HEATR5B: variants seen among roughly 807,000 people sequenced by gnomAD.
The protein encoded by HEATR5B is HEAT repeat containing 5B, also known as HEAT repeat-containing protein 5B.
In HEATR5B, 156 loss-of-function variants were observed where a neutral mutation model predicts 224.1. The ratio of observed to expected loss-of-function variants is 0.70; its 90% CI spans 0.61 to 0.80. The LOEUF (loss-of-function observed/expected upper bound fraction) is 0.80, where lower values mean the gene tolerates loss of function less well. Among genes scored for constraint, HEATR5B ranks in the 30% least tolerant of loss-of-function variants. HEATR5B has a pLI of 0.00. For missense variants in HEATR5B, 2,323 were observed against 2,535.5 expected (o/e 0.92, Z 1.80); for synonymous variants, 1,027 against 893.0 (o/e 1.15, Z -2.68).
chr2:36,988,548 C>G (rs556027277), intron 35 of HEATR5B, 98 bp downstream of exon 35: 268 of 1,031,178 alleles, frequency 2.6e-4, no homozygotes, highest in Non-Finnish European at 3.6e-4. Context: ...AAGTGTAAGC[C>G]ACTGCGCCCA....
chr2:37,028,108 T>A lies in HEATR5B; in HGVS notation c.3668A>T (p.Asp1223Val). The A allele has an allele frequency of 6.2e-7, 1 of 1,612,364 alleles. No homozygotes were observed. Among genetic ancestry groups the A allele is most frequent in the Non-Finnish European group, 8.5e-7 (1 of 1,178,352 alleles). ...DEEAEKKDEM[D>V]DDTMFTTLGE... ...TAACGTGGTAAACATGGTATCATCA[T>A]CCATCTCATCTTTCTTTTCAGCTTC... The change falls in exon 24 of 36, where the codon GAT (aspartate) becomes GTT (valine). Residue 1223 changes from aspartate to valine, a missense_variant. Around this residue, in one of 12 missense-constraint regions of HEATR5B, gnomAD observed 339 missense variants for 378.4 expected, o/e 0.90. Coordinates refer to ENST00000233099, the MANE Select transcript of HEATR5B (RefSeq NM_019024.3).
At chr2:37,041,614 C>T (rs113863385) in intron 18 of HEATR5B, among the ~76,000 whole-genome samples, 11 of 152,056 alleles carry the variant, frequency 7.2e-5, no homozygotes, top group African/African-American at 2.7e-4. Context: ...GTCATGGCAG[C>T]GCATGCCTGT....
chr2:37,083,375 A>G lies in HEATR5B; in HGVS notation c.40T>C (p.Leu14=). Residue 14 remains leucine (L), a synonymous_variant, in exon 2 of 36, where the codon TTG becomes CTG. Transcript: ENST00000233099. ...CTTTTTGCTTCGGTGATTTGAGCCA[A>G]AGCTTCTTCATTTAGCAATAAACTG... ...AHSLLLNEEA[L]AQITEAKRPV... 1 of 1,613,990 alleles carries G rather than the reference A, an allele frequency of 6.2e-7. No homozygotes were observed. The highest frequency in any genetic ancestry group is 8.5e-7 in the Non-Finnish European group (1 of 1,179,864).
intron 14 of HEATR5B, among the ~76,000 whole-genome samples, chr2:37,058,191 T>C (rs1671031454): frequency 6.6e-6 from 1 of 152,260 alleles, no homozygotes; most frequent in African/African-American, 2.4e-5. Flanking sequence ...AGTCTCTCAA[T>C]CTGAGATTCT....
intron 30 of HEATR5B, among the ~76,000 whole-genome samples, 185 bp from the exon 31 acceptor site, chr2:37,003,871 G>C (rs929292173): frequency 2.0e-5 from 3 of 152,136 alleles, no homozygotes; most frequent in African/African-American, 7.2e-5. Context: ...TTACTCCTAT[G>C]TATTTTCAAG....
At chr2:37,000,120 G>A (rs974929153) in intron 33 of HEATR5B, among the ~76,000 whole-genome samples, 2 of 151,378 alleles carry the variant, frequency 1.3e-5, no homozygotes, top group East Asian at 2.0e-4. Context: ...GTTTTTTGCC[G>A]AGCCTGGAGT....
Position 37,058,526 on chromosome 2 carries a change from G to T in HEATR5B, c.1984C>A (p.Leu662Met). ...PSVMKAHGAH[L>M]KASAAMVRLR... The stretch of plus-strand genomic sequence containing the variant: ...CGGACCATTGCAGCACTAGCTTTCA[G>T]ATGAGCTCCATGGGCTTTCATTACA... The change falls in exon 14 of 36, where the codon CTG becomes ATG. Residue 662 changes from leucine to methionine, a missense_variant. This residue lies in a region of HEATR5B where 502 missense variants were observed against 517.8 expected (regional missense o/e 0.97). Transcript: ENST00000233099. The T allele has an allele frequency of 6.2e-7, 1 of 1,612,860 alleles. No individual in the cohort carries two copies. The highest frequency in any genetic ancestry group is 8.5e-7 in the Non-Finnish European group (1 of 1,178,890).
intron 17 of HEATR5B, among the ~76,000 whole-genome samples, chr2:37,050,641 TG>T (rs1313326528): frequency 6.6e-6 from 1 of 152,238 alleles, no homozygotes; most frequent in Non-Finnish European, 1.5e-5. Context: ...AGAGGATATT[TG>T]GAAGAGTATT....
At chr2:37,064,427 T>A (rs1671465491) in intron 10 of HEATR5B, among the ~76,000 whole-genome samples, 1 of 151,870 alleles carries the variant, frequency 6.6e-6, no homozygotes, top group Non-Finnish European at 1.5e-5. Context: ...GCTAGGACCA[T>A]GAAGTTGGCT....
chr2:36,995,084 C>CTTTTTTTTTTTTT (rs1182897485), intron 33 of HEATR5B, among the ~76,000 whole-genome samples: 6 of 93,680 alleles, frequency 6.4e-5, no homozygotes, highest in African/African-American at 3.4e-4. Context: ...CTTGTTATTC[C>CTTTTTTTTTTTTT]TTGTTTTTTT....
intron 2 of HEATR5B, among the ~76,000 whole-genome samples, chr2:37,079,950 AC>A (rs1176802676): frequency 6.6e-6 from 1 of 152,208 alleles, no homozygotes; most frequent in African/African-American, 2.4e-5. Flanking sequence ...AGTTTACCAA[AC>A]AAACAAATGA....
At chr2:37,024,843 C>G (rs2148450977) in intron 24 of HEATR5B, among the ~76,000 whole-genome samples, 1 of 152,302 alleles carries the variant, frequency 6.6e-6, no homozygotes, top group South Asian at 2.1e-4. Context: ...CCCCAACAAC[C>G]AGAGTGCTGC....
intron 22 of HEATR5B, among the ~76,000 whole-genome samples, chr2:37,031,901 A>G (rs961998990): frequency 1.8e-5 from 2 of 111,500 alleles, no homozygotes; most frequent in African/African-American, 5.8e-5. Context: ...TAGGAATTTA[A>G]GCTATACCTA....
chr2:37,065,447 T>C (rs1671532590), intron 9 of HEATR5B, among the ~76,000 whole-genome samples: 1 of 151,900 alleles, frequency 6.6e-6, no homozygotes, highest in Non-Finnish European at 1.5e-5. Flanking sequence ...CCAAGTAGAT[T>C]ACAGGCACGT....
In HEATR5B at chr2:36,990,814, T is replaced by C. The variant is rs1420838635; in HGVS notation, c.5546-15A>G. 1.4e-5 allele frequency: 22 copies of C among 1,536,884 alleles called. No homozygotes were observed. Among genetic ancestry groups the C allele is most frequent in the Non-Finnish European group, 1.9e-5 (22 of 1,140,366 alleles). On this transcript the variant is annotated splice_polypyrimidine_tract_variant and intron_variant, in intron 33 of 35. Transcript: ENST00000233099. The stretch of plus-strand genomic sequence containing the variant: ...TACAGAGTCTTCTGAAAATGAAAAA[T>C]GAAAGAAGTGTGCTGTTTCTAAAAC...
intron 20 of HEATR5B, 70 bp from the exon 21 acceptor site, chr2:37,038,094 A>G: frequency 1.9e-6 from 2 of 1,034,282 alleles, no homozygotes; most frequent in Non-Finnish European, 2.7e-6. Context: ...TTCCTAGTAA[A>G]CAATTATCCT....
chr2:37,046,021 G>T (rs949695218), intron 18 of HEATR5B, among the ~76,000 whole-genome samples: 2 of 152,114 alleles, frequency 1.3e-5, no homozygotes, highest in African/African-American at 2.4e-5. Context: ...TTATCTGAAA[G>T]AATAAGATTT....
At chr2:37,016,629 T>C (rs1668135365) in intron 26 of HEATR5B, among the ~76,000 whole-genome samples, 1 of 152,212 alleles carries the variant, frequency 6.6e-6, no homozygotes. Context: ...CTCACTTAGC[T>C]TCACATCAGA....
chr2:37,054,324 A>G (rs944495750), intron 16 of HEATR5B, among the ~76,000 whole-genome samples: 3 of 150,354 alleles, frequency 2.0e-5, no homozygotes, highest in Non-Finnish European at 3.0e-5. Flanking sequence ...CCTCCCGAGT[A>G]GCATGCGCCA....
Sources: gnomAD v4.1 joint callset for allele counts (sites outside exome capture counted in the v4.1 genomes callset) on GRCh38, gnomAD v4.1.1 for gene constraint, gnomAD v4.1.1 regional missense constraint, MANE v1.5 for transcripts, NCBI Gene and HGNC (gene_info 2026-07-23, HGNC 2026-07-21) for gene names.